SMIM14: variants seen among roughly 807,000 people sequenced by gnomAD.
The protein encoded by SMIM14 is small integral membrane protein 14.
In SMIM14, 5 loss-of-function variants were observed where a neutral mutation model predicts 12.6. The ratio of observed to expected loss-of-function variants is 0.40; its 90% CI spans 0.21 to 0.83. SMIM14 has a LOEUF of 0.83. Among genes scored for constraint, SMIM14 ranks in the 40% least tolerant of loss-of-function variants. The probability of loss-of-function intolerance (pLI) is 0.37; values close to 1 mark genes in which losing one functional copy is unlikely to be tolerated. For synonymous variants in SMIM14, 30 were observed against 40.1 expected (o/e 0.75, Z 0.95); for missense variants, 86 against 119.1 (o/e 0.72, Z 1.29).
In SMIM14 at chr4:39,551,989, A is replaced by C. The variant is rs1711737248; in HGVS notation, c.*137T>G. The C allele has an allele frequency of 1.1e-5, 6 of 563,924 alleles. No individual in the cohort carries two copies. The South Asian group carries it at 2.8e-4, about 26-fold the overall frequency. The allele number at this position is 563,924 out of a possible 1,614,324, so 34.9% of individuals were successfully genotyped here. A position where few individuals can be genotyped will look rare whatever the true frequency, so the allele number is the denominator to read the frequency against. On this transcript the variant is annotated 3_prime_UTR_variant, in exon 5 of 5. Coordinates refer to ENST00000295958, the MANE Select transcript of SMIM14 (RefSeq NM_174921.3). ...TAAACTTGCAAGTGAAATTTCTAGA[A>C]GCTCATGAAAACAATACCATCCCAT...
At chr4:39,554,763 C>T (rs923549819) in intron 4 of SMIM14, among the ~76,000 whole-genome samples, 1 of 135,072 alleles carries the variant, frequency 7.4e-6, no homozygotes, top group African/African-American at 2.7e-5. Context: ...TTGTCATATA[C>T]AACATGTTTT....
At chr4:39,570,531 C>T (rs1305173925) in intron 3 of SMIM14, among the ~76,000 whole-genome samples, 1 of 152,172 alleles carries the variant, frequency 6.6e-6, no homozygotes, top group Non-Finnish European at 1.5e-5. Context: ...TCCTCCCCAA[C>T]ATATGCACAC....
chr4:39,571,160 C>G (rs954153783), intron 3 of SMIM14, among the ~76,000 whole-genome samples: 1 of 152,104 alleles, frequency 6.6e-6, no homozygotes. Context: ...GCCCATAAAG[C>G]CATGTGGAGA....
At position 39,549,967 on chromosome 4, in the gene SMIM14, T is replaced by C. The variant is rs991885599; in HGVS notation, c.*2159A>G. ...CAAAGCCAGGATGTACAAGGAGGAA[T>C]TCAAACAATCAATATTGGATTATAT... On this transcript the variant is annotated 3_prime_UTR_variant, in exon 5 of 5. Transcript: ENST00000295958. 6.8e-6 allele frequency: 1 copy of C among 147,670 alleles called. No individual in the cohort carries two copies. Among genetic ancestry groups the C allele is most frequent in the Non-Finnish European group, 1.5e-5 (1 of 66,652 alleles). The allele number at this position is 147,670 out of a possible 1,614,324, so 9.1% of individuals were successfully genotyped here.
chr4:39,601,370 C>T (rs1433829312), intron 2 of SMIM14, among the ~76,000 whole-genome samples: 2 of 152,118 alleles, frequency 1.3e-5, no homozygotes, highest in African/African-American at 2.4e-5. Context: ...CAAAAATTCA[C>T]AATTAGTACT....
chr4:39,598,194 C>T (rs1714452865), intron 2 of SMIM14, among the ~76,000 whole-genome samples: 1 of 152,196 alleles, frequency 6.6e-6, no homozygotes, highest in African/African-American at 2.4e-5. Flanking sequence ...GGAAAAGAGG[C>T]ACAACAGATC....
chr4:39,620,196 T>C (rs1465447774), intron 1 of SMIM14, among the ~76,000 whole-genome samples: 13 of 148,726 alleles, frequency 8.7e-5, no homozygotes, highest in Non-Finnish European at 1.9e-4. Context: ...AAAAAAAAAT[T>C]CGGATGGGCG....
At chr4:39,574,072 T>C (rs1236236285) in intron 2 of SMIM14, among the ~76,000 whole-genome samples, 3 of 152,126 alleles carry the variant, frequency 2.0e-5, no homozygotes, top group Non-Finnish European at 2.9e-5. Flanking sequence ...GAGGGGCATA[T>C]AACTTTCCAA....
intron 1 of SMIM14, among the ~76,000 whole-genome samples, chr4:39,619,733 T>C (rs1715386637): frequency 9.6e-6 from 1 of 104,610 alleles, no homozygotes; most frequent in East Asian, 2.7e-4. Context: ...TATAATTATA[T>C]ATATCAATAA....
At position 39,635,959 on chromosome 4, in the gene SMIM14, G is replaced by A. The variant is rs556661702; in HGVS notation, c.-36+2780C>T. Among the ~76,000 whole-genome samples, 19 of 152,114 alleles carry A rather than the reference G, an allele frequency of 1.2e-4. No individual in the cohort carries two copies. The East Asian group carries it at 3.5e-3, about 28-fold the overall frequency. On this transcript the variant is annotated intron_variant, in intron 1 of 4. Coordinates refer to ENST00000295958, the MANE Select transcript of SMIM14 (RefSeq NM_174921.3). ...CGGCCAAGGTGGGCAGATCACTTGA[G>A]GTCAGGAGTTTGACACCAGCCTGGC...
In SMIM14 at chr4:39,596,390, C is replaced by G. The variant is rs950789417; in HGVS notation, c.75+8681G>C. Among the ~76,000 whole-genome samples the G allele has an allele frequency of 3.3e-5, 5 of 152,120 alleles. No individual in the cohort carries two copies. In the East Asian group the frequency reaches 9.6e-4, roughly 29 times the overall value. On this transcript the variant is annotated intron_variant, in intron 2 of 4. Transcript: ENST00000295958. ...GATTACAGGCGTGAGCCACCGGGCC[C>G]GGCCGCATATATAGTGCTTTTTAAG...
intron 1 of SMIM14, among the ~76,000 whole-genome samples, chr4:39,630,307 G>C (rs1715852715): frequency 6.6e-6 from 1 of 152,168 alleles, no homozygotes; most frequent in South Asian, 2.1e-4. Flanking sequence ...TCAGAAGGCT[G>C]AGAAGGGAGG....
chr4:39,557,149 T>A (rs182535250), intron 3 of SMIM14, among the ~76,000 whole-genome samples: 1 of 151,818 alleles, frequency 6.6e-6, no homozygotes, highest in Non-Finnish European at 1.5e-5. Flanking sequence ...GTAGCTGGGA[T>A]TACAGGCATG....
intron 1 of SMIM14, among the ~76,000 whole-genome samples, chr4:39,610,969 A>G (rs1715010253): frequency 1.3e-5 from 2 of 152,182 alleles, no homozygotes; most frequent in South Asian, 4.1e-4. Context: ...AAAACCAATA[A>G]AAGTTTCTAT....
chr4:39,546,760 TTATC>T lies in SMIM14; in HGVS notation c.*5362_*5365del, dbSNP rs1747362267. On this transcript the variant is annotated 3_prime_UTR_variant, in exon 5 of 5. Transcript: ENST00000295958. ...TCCAAGAAATTGTTATTTCACAAAT[TTATC>T]TATTTTAAATATAACACTGAAGTTA... 1 of 152,214 alleles carries T rather than the reference TTATC, an allele frequency of 6.6e-6. No individual in the cohort carries two copies. Among genetic ancestry groups the T allele is most frequent in the Admixed American group, 6.5e-5 (1 of 15,276 alleles). The allele number at this position is 152,214 out of a possible 1,614,324, so 9.4% of individuals were successfully genotyped here.
intron 2 of SMIM14, chr4:39,588,048 A>G (rs570403619): frequency 6.6e-6 from 1 of 152,250 alleles, no homozygotes; most frequent in East Asian, 1.9e-4. Flanking sequence ...CACCAGCATC[A>G]ACTATCAGAC....
At chr4:39,631,812 C>T (rs1183254634) in intron 1 of SMIM14, among the ~76,000 whole-genome samples, 2 of 152,010 alleles carry the variant, frequency 1.3e-5, no homozygotes, top group Non-Finnish European at 2.9e-5. Context: ...GAAAGCTCTG[C>T]ACTTGTAATA....
At chr4:39,626,782 C>T (rs1340083072) in intron 1 of SMIM14, among the ~76,000 whole-genome samples, 1 of 151,962 alleles carries the variant, frequency 6.6e-6, no homozygotes, top group Non-Finnish European at 1.5e-5. Flanking sequence ...TCCATCACTA[C>T]TAGGCTTAAC....
chr4:39,550,681 T>C lies in SMIM14; in HGVS notation c.*1445A>G, dbSNP rs894250844. ...TTTATACATTTTAAAATTTCTCTCA[T>C]ATTAACATTCCTTCCTACCCCAATC... is the stretch of plus-strand genomic sequence containing the variant. On this transcript the variant is annotated 3_prime_UTR_variant, in exon 5 of 5. Transcript: ENST00000295958. 2.0e-5 allele frequency: 3 copies of C among 152,206 alleles called. No homozygotes were observed. Among genetic ancestry groups the C allele is most frequent in the Non-Finnish European group, 4.4e-5 (3 of 68,046 alleles). 9.4% of individuals were successfully genotyped at this position (152,206 alleles called of 1,614,324 possible).
Sources: gnomAD v4.1 joint callset for allele counts (sites outside exome capture counted in the v4.1 genomes callset) on GRCh38, gnomAD v4.1.1 for gene constraint, MANE v1.5 for transcripts, NCBI Gene and HGNC (gene_info 2026-07-23, HGNC 2026-07-21) for gene names.